DCLK2: variants seen among roughly 807,000 people sequenced by gnomAD.
The protein encoded by DCLK2 is doublecortin like kinase 2, also known as serine/threonine-protein kinase DCLK2.
Under a neutral mutation model 78.4 loss-of-function variants are expected in DCLK2, and 31 were observed. The observed-to-expected ratio is 0.40, with a 90% CI of 0.30 to 0.53. The LOEUF is 0.53. DCLK2 is among the 20% of genes least tolerant of loss of function. The pLI, the probability that DCLK2 is intolerant of heterozygous loss-of-function variation, is 0.61. For missense variants in DCLK2, 872 were observed against 973.7 expected, an observed-to-expected ratio of 0.90 and a Z score of 1.39; for synonymous variants, 407 against 374.9, an observed-to-expected ratio of 1.09 and a Z score of -0.99.
At chr4:150,191,032 A>G (rs1372525243) in intron 2 of DCLK2, among the ~76,000 whole-genome samples, 3 of 152,124 alleles carry the variant, frequency 2.0e-5, no homozygotes, top group African/African-American at 7.2e-5. Flanking sequence ...AGGTTGAGGT[A>G]GGAGGATCAT....
intron 2 of DCLK2, among the ~76,000 whole-genome samples, chr4:150,174,159 C>T (rs1369171584): frequency 2.0e-5 from 3 of 152,156 alleles, no homozygotes; most frequent in Non-Finnish European, 2.9e-5. Context: ...CAGGCACAGA[C>T]GCATGTGCAC....
At position 150,232,734 on chromosome 4, in the gene DCLK2, A is replaced by T; in HGVS notation, c.1472A>T (p.Asp491Val). ...ITSSTKYTER[D>V]GSAMVYNLAN... ...TCGTCGACCAAGTACACTGAGAGAG[A>T]TGGCAGTGCCATGGTGTACAACTTA... The change falls in exon 10 of 16, where the codon GAT becomes GTT. Residue 491 changes from aspartate to valine, a missense_variant. Physicochemically the swap from Asp to Val is radical, Grantham distance 152. Transcript: ENST00000296550. The T allele has an allele frequency of 6.2e-7, 1 of 1,613,994 alleles. No homozygotes were observed. Among genetic ancestry groups the T allele is most frequent in the Non-Finnish European group, 8.5e-7 (1 of 1,179,884 alleles).
intron 15 of DCLK2, chr4:150,253,609 G>A (rs1580814223): frequency 3.9e-6 from 5 of 1,284,792 alleles, no homozygotes; most frequent in Middle Eastern, 2.2e-4. Context: ...CCCCTCTCAC[G>A]CCTGCATGCT....
Position 150,194,636 on chromosome 4 carries a change from T to C in DCLK2, c.859+1396T>C, listed in dbSNP as rs575532300. On this transcript the variant is annotated intron_variant, in intron 3 of 15. Coordinates refer to ENST00000296550, the MANE Select transcript of DCLK2 (RefSeq NM_001040260.4). ...ATTTTAGCTGGTAGTAAAGTCAGCT[T>C]CCTCTTTAAATGAAGTAAAATTATA... is the stretch of plus-strand genomic sequence containing the variant. Among the ~76,000 whole-genome samples, 6 of 152,274 alleles carry C rather than the reference T, an allele frequency of 3.9e-5. No homozygotes were observed. In the South Asian group the frequency reaches 1.0e-3, roughly 26 times the overall value.
intron 1 of DCLK2, among the ~76,000 whole-genome samples, chr4:150,098,953 C>T (rs1262834104): frequency 2.0e-5 from 3 of 152,114 alleles, no homozygotes; most frequent in Admixed American, 2.0e-4. Context: ...CCTCGGCTCC[C>T]CAAAGTGCTG....
At chr4:150,083,471 C>T (rs1305220628) in intron 1 of DCLK2, among the ~76,000 whole-genome samples, 1 of 152,162 alleles carries the variant, frequency 6.6e-6, no homozygotes, top group Non-Finnish European at 1.5e-5. Context: ...TTGAGGTCCT[C>T]CTACCAAACC....
In DCLK2 at chr4:150,239,675, C is replaced by G. The variant is rs948751202; in HGVS notation, c.1567-67C>G. 5.7e-6 allele frequency: 9 copies of G among 1,578,196 alleles called. No individual in the cohort carries two copies. In the African/African-American group the frequency reaches 1.1e-4, roughly 19 times the overall value. On this transcript the variant is annotated intron_variant, in intron 10 of 15. Coordinates refer to ENST00000296550, the MANE Select transcript of DCLK2 (RefSeq NM_001040260.4). ...GTATTTGTGTCCTTTCTGCCTAATTCCAAGAGCCCTCTCACAATTGTTGAG... is the reference window on the plus strand; with the variant it reads ...GTATTTGTGTCCTTTCTGCCTAATTGCAAGAGCCCTCTCACAATTGTTGAG...
Position 150,079,129 on chromosome 4 carries a change from C to T in DCLK2, c.102C>T (p.Ser34=). Residue 34 remains serine (S), a synonymous_variant, in exon 1 of 16, where the codon AGC becomes AGT. Coordinates refer to ENST00000296550, the MANE Select transcript of DCLK2 (RefSeq NM_001040260.4). Reference sequence around the variant, plus strand: ...GGGCCCCCAGCTCCTCCGGGGGCAGCAGCAGCTCGGGCCCCAAGGGGAACG... The same window carrying T: ...GGGCCCCCAGCTCCTCCGGGGGCAGTAGCAGCTCGGGCCCCAAGGGGAACG... The part of the protein sequence containing the change: ...RRGAPSSSGG[S]SSSGPKGNGL... 2 of 1,584,630 alleles carry T rather than the reference C, an allele frequency of 1.3e-6. No individual in the cohort carries two copies. The highest frequency in any genetic ancestry group is 1.7e-6 in the Non-Finnish European group (2 of 1,166,628).
In DCLK2 at chr4:150,113,337, T is replaced by A. The variant is rs562709361; in HGVS notation, c.756+10525T>A. Among the ~76,000 whole-genome samples, 13 of 152,332 alleles carry A rather than the reference T, an allele frequency of 8.5e-5. No individual in the cohort carries two copies. In the South Asian group the frequency reaches 2.7e-3, roughly 32 times the overall value. ...GGATTTGTACCAATTCCTCTTTGAA[T>A]GTTTGATAGAATTTGGCTGTGAATC... On this transcript the variant is annotated intron_variant, in intron 2 of 15. Coordinates refer to ENST00000296550, the MANE Select transcript of DCLK2 (RefSeq NM_001040260.4).
chr4:150,113,397 GT>G (rs1040358742), intron 2 of DCLK2, among the ~76,000 whole-genome samples: 1 of 152,036 alleles, frequency 6.6e-6, no homozygotes, highest in African/African-American at 2.4e-5. Flanking sequence ...GTTGTTGGCA[GT>G]TTTTGTATTA....
At chr4:150,175,237 A>T (rs913790264) in intron 2 of DCLK2, among the ~76,000 whole-genome samples, 1 of 138,956 alleles carries the variant, frequency 7.2e-6, no homozygotes, top group Admixed American at 7.8e-5. Flanking sequence ...ATTTATATAT[A>T]TATAAAGCTT....
At chr4:150,164,126 A>T (rs1271661386) in intron 2 of DCLK2, among the ~76,000 whole-genome samples, 2 of 152,204 alleles carry the variant, frequency 1.3e-5, no homozygotes, top group Admixed American at 1.3e-4. Flanking sequence ...CAGCAATATA[A>T]AGTTGACCCT....
chr4:150,247,521 T>A, intron 12 of DCLK2, 82 bp from the exon 13 acceptor site: 2 of 1,204,038 alleles, frequency 1.7e-6, no homozygotes, highest in Non-Finnish European at 2.4e-6. Flanking sequence ...TGGACTCCTT[T>A]CCCCGCTCTT....
chr4:150,148,497 A>T (rs1013303713), intron 2 of DCLK2, among the ~76,000 whole-genome samples: 1 of 152,136 alleles, frequency 6.6e-6, no homozygotes, highest in Admixed American at 6.5e-5. Flanking sequence ...CCCTGGACTG[A>T]AGCAATCCTC....
chr4:150,215,235 C>T (rs1740602341), intron 5 of DCLK2, among the ~76,000 whole-genome samples: 1 of 152,140 alleles, frequency 6.6e-6, no homozygotes, highest in Admixed American at 6.6e-5. Flanking sequence ...GAGTTTCGTT[C>T]CACCACCAAG....
intron 15 of DCLK2, among the ~76,000 whole-genome samples, chr4:150,254,242 C>T (rs894631699): frequency 3.3e-5 from 5 of 152,150 alleles, no homozygotes; most frequent in Admixed American, 3.3e-4. Context: ...TTGCCTTCTT[C>T]GCTGGGGGAT....
At chr4:150,183,737 CTT>C (rs376479148) in intron 2 of DCLK2, among the ~76,000 whole-genome samples, 28 of 142,948 alleles carry the variant, frequency 2.0e-4, no homozygotes, top group Non-Finnish European at 1.2e-4. Context: ...TTTTCTTTTT[CTT>C]TTTTTTTTTT....
rs118183333 is a variant in DCLK2 at position 150,190,797 on chromosome 4, C to G, written c.757-2341C>G. Reference sequence around the variant, plus strand: ...TTAACTGGGTGAATTGTGTGGTCTGCGAATTACAGCTCAATAAACGCTTTT... The same window carrying G: ...TTAACTGGGTGAATTGTGTGGTCTGGGAATTACAGCTCAATAAACGCTTTT... On this transcript the variant is annotated intron_variant, in intron 2 of 15. Transcript: ENST00000296550. 6.6e-5 allele frequency among the ~76,000 whole-genome samples: 10 copies of G among 152,042 alleles called. No individual in the cohort carries two copies. The East Asian group carries it at 1.9e-3, about 29-fold the overall frequency.
At chr4:150,181,578 A>G (rs1410902191) in intron 2 of DCLK2, among the ~76,000 whole-genome samples, 1 of 151,664 alleles carries the variant, frequency 6.6e-6, no homozygotes. Flanking sequence ...AATAGTTATT[A>G]TTATGAGAAG....
Sources: allele counts gnomAD v4.1 joint callset (sites outside exome capture counted in the v4.1 genomes callset), GRCh38; gene constraint gnomAD v4.1.1; transcripts MANE v1.5; gene names NCBI Gene and HGNC (gene_info 2026-07-23, HGNC 2026-07-21).